Variants in NFASC observed in about 807,000 individuals in gnomAD.
NFASC encodes the protein neurofascin.
NFASC carries 43 observed loss-of-function variants against 147.5 expected under a neutral mutation model. The observed-to-expected ratio is 0.29, with a 90% CI of 0.23 to 0.38. The LOEUF (loss-of-function observed/expected upper bound fraction) is 0.38, where lower values mean the gene tolerates loss of function less well. Ranked by LOEUF, NFASC falls within the 10% of genes least tolerant of loss-of-function variation. The pLI is 1.00. For missense variants in NFASC, 1,320 were observed against 1,689.0 expected, an observed-to-expected ratio of 0.78 and a Z score of 3.83; for synonymous variants, 622 against 665.5, an observed-to-expected ratio of 0.93 and a Z score of 1.01.
chr1:204,901,804 A>G (rs1337908167), intron 1 of NFASC, among the ~76,000 whole-genome samples: 1 of 152,104 alleles, frequency 6.6e-6, no homozygotes, highest in East Asian at 1.9e-4. Flanking sequence ...GAGGTAGAGG[A>G]GGATTGCTGG....
chr1:204,896,503 G>A (rs2083414632), intron 1 of NFASC, among the ~76,000 whole-genome samples: 1 of 152,188 alleles, frequency 6.6e-6, no homozygotes, highest in African/African-American at 2.4e-5. Flanking sequence ...ATTGGTAGAA[G>A]GAAGAAGGTA....
intron 8 of NFASC, among the ~76,000 whole-genome samples, chr1:204,959,430 G>A (rs1445288082): frequency 6.6e-6 from 1 of 152,218 alleles, no homozygotes; most frequent in Admixed American, 6.5e-5. Context: ...TGTCTCCTCA[G>A]TCCACATCAG....
rs898622566 is a variant in NFASC, at chr1:204,903,120, TC to T, written c.-199-17506del. Among the ~76,000 whole-genome samples the T allele has an allele frequency of 9.2e-5, 14 of 152,228 alleles. No homozygotes were observed. The East Asian group carries it at 9.7e-4, about 10-fold the overall frequency. On this transcript the variant is annotated intron_variant, in intron 1 of 29. Transcript: ENST00000339876. ...CTAATTTGACTAGATGATTGCCAAG[TC>T]CCCCCTACCCCCACAAGTTTTGACC...
chr1:204,923,945 T>C (rs756639692), intron 2 of NFASC, among the ~76,000 whole-genome samples: 16 of 152,242 alleles, frequency 1.1e-4, no homozygotes, highest in Non-Finnish European at 2.2e-4. Flanking sequence ...CTGGGCTGTT[T>C]GAAACAGCAT....
chr1:204,967,472 T>C (rs553789849), intron 8 of NFASC, among the ~76,000 whole-genome samples: 58 of 152,256 alleles, frequency 3.8e-4, no homozygotes, highest in Non-Finnish European at 6.5e-4. Flanking sequence ...CTTCAAGACC[T>C]GCATGAATCT....
At chr1:204,906,768 C>T (rs1182006335) in intron 1 of NFASC, among the ~76,000 whole-genome samples, 13 of 57,604 alleles carry the variant, frequency 2.3e-4, no homozygotes, top group East Asian at 9.0e-4. Flanking sequence ...CTGCAAGCTC[C>T]GCCTCCCGGG....
chr1:204,847,707 A>G (rs2075303357), intron 1 of NFASC, among the ~76,000 whole-genome samples: 1 of 152,152 alleles, frequency 6.6e-6, no homozygotes, highest in Admixed American at 6.5e-5. Context: ...AGAAAATTCC[A>G]CAAACCCAGT....
intron 8 of NFASC, among the ~76,000 whole-genome samples, chr1:204,966,953 C>T (rs1223324958): frequency 6.6e-6 from 1 of 152,130 alleles, no homozygotes; most frequent in Non-Finnish European, 1.5e-5. Context: ...TGCAGCCAGG[C>T]CCCAGCAAAC....
chr1:204,864,166 A>G (rs766946018), intron 1 of NFASC, among the ~76,000 whole-genome samples: 6 of 152,266 alleles, frequency 3.9e-5, no homozygotes, highest in Non-Finnish European at 5.9e-5. Context: ...ACTTAGCATA[A>G]TATTTTCAAG....
At position 204,969,242 on chromosome 1, in the gene NFASC, C is replaced by T. The variant is rs139199947; in HGVS notation, c.1003+260C>T. ...CTCCTTGGTGCCAGCGCTCCCTCAG[C>T]GGGTGAATTTCCTCCCACGGCCCAT... On this transcript the variant is annotated intron_variant, in intron 10 of 29. Transcript: ENST00000339876. Among the ~76,000 whole-genome samples the T allele has an allele frequency of 1.1e-3, 168 of 152,270 alleles. 1 individual carries two copies. Among genetic ancestry groups the T allele is most frequent in the African/African-American group, 3.6e-3 (151 of 41,552 alleles).
rs1310511533 is a variant in NFASC, at chr1:205,019,617, A to T, written c.*3078A>T. The T allele has an allele frequency of 6.6e-6, 1 of 152,242 alleles. No individual in the cohort carries two copies. The highest frequency in any genetic ancestry group is 2.4e-5 in the African/African-American group (1 of 41,460). The allele number at this position is 152,242 out of a possible 1,614,324, so 9.4% of individuals were successfully genotyped here. On this transcript the variant is annotated 3_prime_UTR_variant, in exon 30 of 30. Transcript: ENST00000339876. ...GACAGTCCTAAAATCAAGTGCTAGG[A>T]CACAGTGGCCATTGAGCTGGGAGCA...
chr1:204,915,760 A>T (rs975920593), intron 1 of NFASC, among the ~76,000 whole-genome samples: 3 of 152,198 alleles, frequency 2.0e-5, no homozygotes, highest in Admixed American at 1.3e-4. Context: ...GAGAATTTTG[A>T]TTGTGTGCTT....
At chr1:204,886,659 G>A (rs1275100661) in intron 1 of NFASC, among the ~76,000 whole-genome samples, 1 of 152,144 alleles carries the variant, frequency 6.6e-6, no homozygotes, top group Admixed American at 6.5e-5. Context: ...CAGCTGAGGT[G>A]CTTTGGTCAT....
chr1:204,901,528 C>A (rs925089294), intron 1 of NFASC, among the ~76,000 whole-genome samples: 1 of 152,032 alleles, frequency 6.6e-6, no homozygotes, highest in Non-Finnish European at 1.5e-5. Context: ...ACGTTGAGGT[C>A]ATGGATGACC....
At chr1:204,878,386 AAAACC>A (rs2079458565) in intron 1 of NFASC, among the ~76,000 whole-genome samples, 1 of 152,210 alleles carries the variant, frequency 6.6e-6, no homozygotes, top group African/African-American at 2.4e-5. Context: ...CATAATGGCA[AAAACC>A]GCAATTACTT....
At chr1:204,977,859 G>C in intron 17 of NFASC, 134 bp downstream of exon 17, 1 of 699,468 alleles carries the variant, frequency 1.4e-6, no homozygotes, top group African/African-American at 1.8e-5. Flanking sequence ...GGCTACATGG[G>C]ACCTCCTTTG....
At chr1:204,847,559 C>G (rs1334941899) in intron 1 of NFASC, among the ~76,000 whole-genome samples, 1 of 152,214 alleles carries the variant, frequency 6.6e-6, no homozygotes, top group Non-Finnish European at 1.5e-5. Context: ...TACAGAGACT[C>G]CTCCTGGCTC....
chr1:204,859,589 C>G (rs2076489441), intron 1 of NFASC, among the ~76,000 whole-genome samples: 1 of 152,234 alleles, frequency 6.6e-6, no homozygotes, highest in African/African-American at 2.4e-5. Context: ...TCTGAGACAA[C>G]AACTGGGTCT....
chr1:204,845,064 T>G (rs1424268277), intron 1 of NFASC, among the ~76,000 whole-genome samples: 2 of 152,150 alleles, frequency 1.3e-5, no homozygotes, highest in Non-Finnish European at 2.9e-5. Context: ...CCAAGGGACT[T>G]TCCCCCTACT....
Sources: allele counts gnomAD v4.1 joint callset (sites outside exome capture counted in the v4.1 genomes callset), GRCh38; gene constraint gnomAD v4.1.1; transcripts MANE v1.5; gene names NCBI Gene and HGNC (gene_info 2026-07-23, HGNC 2026-07-21).